SLC15A1: variants seen among roughly 807,000 people sequenced by gnomAD.
SLC15A1 encodes solute carrier family 15 member 1.
SLC15A1 carries 83 observed loss-of-function variants against 92.9 expected under a neutral mutation model. The ratio of observed to expected loss-of-function variants is 0.89; its 90% CI spans 0.75 to 1.07. SLC15A1 has a LOEUF of 1.07. SLC15A1 is among the 50% of genes least tolerant of loss of function. The pLI, the probability that SLC15A1 is intolerant of heterozygous loss-of-function variation, is 0.00. For synonymous variants in SLC15A1, 322 were observed against 318.2 expected (o/e 1.01, Z -0.13); for missense variants, 857 against 880.1 (o/e 0.97, Z 0.33).
intron 17 of SLC15A1, 47 bp from the exon 18 acceptor site, chr13:98,702,576 A>T: frequency 7.1e-7 from 1 of 1,406,118 alleles, no homozygotes; most frequent in Non-Finnish European, 1.0e-6. Flanking sequence ...AATAATATTC[A>T]TTAGAATGAG....
chr13:98,720,478 G>T (rs1209933060), intron 7 of SLC15A1: 3 of 152,388 alleles, frequency 2.0e-5, no homozygotes, highest in Non-Finnish European at 4.4e-5. Flanking sequence ...TTGGAATGGG[G>T]TTTAATTGTC....
chr13:98,702,636 A>AAGTGTCAT, intron 17 of SLC15A1, 107 bp from the exon 18 acceptor site: 1 of 877,278 alleles, frequency 1.1e-6, no homozygotes. Flanking sequence ...CACTTATCCT[A>AAGTGTCAT]GGACCTAAGG....
At chr13:98,687,883 A>G (rs568217425) in intron 20 of SLC15A1, among the ~76,000 whole-genome samples, 159 bp from the exon 21 acceptor site, 2 of 152,354 alleles carry the variant, frequency 1.3e-5, no homozygotes, top group East Asian at 3.9e-4. Context: ...TTACACTTGC[A>G]ATGGGATTTG....
chr13:98,726,673 G>T, intron 2 of SLC15A1, 170 bp downstream of exon 2: 1 of 766,808 alleles, frequency 1.3e-6, no homozygotes, highest in Non-Finnish European at 2.3e-6. Context: ...AGTCTGAGGA[G>T]GATTATCCAC....
chr13:98,695,759 A>C (rs1331196619), intron 18 of SLC15A1, among the ~76,000 whole-genome samples: 1 of 152,164 alleles, frequency 6.6e-6, no homozygotes, highest in African/African-American at 2.4e-5. Flanking sequence ...TAATCACTTA[A>C]GTCTTGCAGC....
intron 1 of SLC15A1, among the ~76,000 whole-genome samples, chr13:98,740,220 C>T (rs1277422492): frequency 2.6e-5 from 4 of 152,324 alleles, no homozygotes; most frequent in Non-Finnish European, 5.9e-5. Flanking sequence ...CGAAGCCATG[C>T]TAGTGAGCTG....
chr13:98,751,936 C>G (rs966310616), intron 1 of SLC15A1, among the ~76,000 whole-genome samples: 14 of 152,352 alleles, frequency 9.2e-5, no homozygotes, highest in Admixed American at 5.2e-4. Flanking sequence ...GCTCTGCTTC[C>G]GTTCATTCTC....
Position 98,735,056 on chromosome 13 carries a change from C to T in SLC15A1, c.5-8197G>A, listed in dbSNP as rs2088380919. 3.3e-5 allele frequency among the ~76,000 whole-genome samples: 5 copies of T among 152,158 alleles called. No individual in the cohort carries two copies. In the South Asian group the frequency reaches 1.0e-3, roughly 32 times the overall value. Reference sequence around the variant, plus strand: ...TAAAGAGAATTTTAGACCAATATCCCTGATGAACATCACTGCAAAAATCCT... The same window carrying T: ...TAAAGAGAATTTTAGACCAATATCCTTGATGAACATCACTGCAAAAATCCT... On this transcript the variant is annotated intron_variant, in intron 1 of 22. Transcript: ENST00000376503.
intron 5 of SLC15A1, 98 bp downstream of exon 5, chr13:98,723,814 A>G (rs1231589514): frequency 1.9e-6 from 3 of 1,545,746 alleles, no homozygotes; most frequent in Non-Finnish European, 2.6e-6. Flanking sequence ...AAACCTCCTT[A>G]TGCTCTCAGT....
intron 1 of SLC15A1, 70 bp downstream of exon 1, chr13:98,752,525 T>TCGGTGC (rs2088555679): frequency 8.0e-7 from 1 of 1,252,132 alleles, no homozygotes; most frequent in African/African-American, 1.6e-5. Context: ...CTCCCGGCCC[T>TCGGTGC]CGGTGCCGGC....
At chr13:98,720,392 G>A (rs1467653027) in intron 7 of SLC15A1, 2 of 152,120 alleles carry the variant, frequency 1.3e-5, no homozygotes, top group African/African-American at 4.8e-5. Context: ...GGAGAGGTGA[G>A]CGAACAGGAC....
At position 98,735,879 on chromosome 13, in the gene SLC15A1, A is replaced by C. The variant is rs140446831; in HGVS notation, c.5-9020T>G. ...ATGGAAGAACATTCTATGCTCATGC[A>C]CAGGAAGAATTAATATCATGAAAAT... is the stretch of plus-strand genomic sequence containing the variant. On this transcript the variant is annotated intron_variant, in intron 1 of 22. Coordinates refer to ENST00000376503, the MANE Select transcript of SLC15A1 (RefSeq NM_005073.4). 9.0e-3 allele frequency among the ~76,000 whole-genome samples: 1,373 copies of C among 152,338 alleles called. 5 individuals are homozygous for C. The highest frequency in any genetic ancestry group is 0.032 in the South Asian group (157 of 4,832).
intron 1 of SLC15A1, among the ~76,000 whole-genome samples, chr13:98,733,766 T>C (rs2088368321): frequency 6.6e-6 from 1 of 152,220 alleles, no homozygotes; most frequent in Admixed American, 6.5e-5. Context: ...TTGATCAAGG[T>C]GCTTACCCTC....
At chr13:98,710,644 C>T (rs1566449123) in intron 11 of SLC15A1, among the ~76,000 whole-genome samples, 1 of 151,626 alleles carries the variant, frequency 6.6e-6, no homozygotes. Flanking sequence ...AGCAGAACCC[C>T]GTCTCTACTA....
At chr13:98,752,559 C>A in intron 1 of SLC15A1, 36 bp downstream of exon 1, 1 of 1,270,004 alleles carries the variant, frequency 7.9e-7, no homozygotes, top group Non-Finnish European at 9.9e-7. Context: ...AGCTCCGAGT[C>A]TTTAGCCCGG....
chr13:98,685,821 A>G (rs1181166038), intron 22 of SLC15A1, among the ~76,000 whole-genome samples: 1 of 152,118 alleles, frequency 6.6e-6, no homozygotes, highest in East Asian at 1.9e-4. Flanking sequence ...CACTGTCTCT[A>G]CTAAAAATAC....
intron 17 of SLC15A1, 136 bp from the exon 18 acceptor site, chr13:98,702,665 G>A: frequency 1.4e-6 from 1 of 704,568 alleles, no homozygotes; most frequent in Non-Finnish European, 2.5e-6. Context: ...ACATTAGAAG[G>A]GCTCTGGAGG....
At chr13:98,744,911 T>A (rs2088480909) in intron 1 of SLC15A1, among the ~76,000 whole-genome samples, 1 of 152,216 alleles carries the variant, frequency 6.6e-6, no homozygotes, top group African/African-American at 2.4e-5. Context: ...TTTCATTAGA[T>A]ATTCTCTAAC....
intron 11 of SLC15A1, among the ~76,000 whole-genome samples, chr13:98,710,337 C>T (rs1430964364): frequency 1.3e-5 from 2 of 152,166 alleles, no homozygotes; most frequent in Admixed American, 6.5e-5. Context: ...TCTAGGCTGG[C>T]TGCACCTAGA....
Sources: allele counts gnomAD v4.1 joint callset (sites outside exome capture counted in the v4.1 genomes callset), GRCh38; gene constraint gnomAD v4.1.1; transcripts MANE v1.5; gene names NCBI Gene and HGNC (gene_info 2026-07-23, HGNC 2026-07-21).